NHSL1: variants seen among roughly 807,000 people sequenced by gnomAD.
NHSL1 encodes NHS like 1, also known as NHS-like protein 1.
A neutral mutation model predicts 95.0 loss-of-function variants in NHSL1; 48 were observed. The observed-to-expected ratio is 0.51, with a 90% CI of 0.40 to 0.64. NHSL1 has a LOEUF of 0.64. Among genes scored for constraint, NHSL1 ranks in the 30% least tolerant of loss-of-function variants. The probability of loss-of-function intolerance (pLI) is 0.00; values close to 1 mark genes in which losing one functional copy is unlikely to be tolerated. For missense variants in NHSL1, 1,971 were observed against 2,077.7 expected (o/e 0.95, Z 1.00); for synonymous variants, 783 against 833.9 (o/e 0.94, Z 1.05).
At chr6:138,650,498 G>C in intron 1 of NHSL1, 3 of 730,852 alleles carry the variant, frequency 4.1e-6, no homozygotes, top group Non-Finnish European at 7.3e-6. Flanking sequence ...CATCCACCAG[G>C]TAGGCACTGA....
chr6:138,451,778 A>C (rs1405169670), intron 3 of NHSL1, among the ~76,000 whole-genome samples: 1 of 152,220 alleles, frequency 6.6e-6, no homozygotes, highest in African/African-American at 2.4e-5. Flanking sequence ...AAACAGTGTA[A>C]AATAACAATG....
intron 1 of NHSL1, among the ~76,000 whole-genome samples, chr6:138,551,539 T>C (rs572599256): frequency 6.6e-6 from 1 of 152,282 alleles, no homozygotes; most frequent in Non-Finnish European, 1.5e-5. Context: ...TTTACCCAAG[T>C]TTTAATCATT....
At chr6:138,462,263 T>A (rs1007741461) in intron 3 of NHSL1, among the ~76,000 whole-genome samples, 19 of 152,222 alleles carry the variant, frequency 1.2e-4, no homozygotes, top group Non-Finnish European at 2.5e-4. Flanking sequence ...CAATGGCTCT[T>A]ATGCTGTGTC....
At chr6:138,517,969 T>G (rs952266716) in intron 1 of NHSL1, among the ~76,000 whole-genome samples, 16 of 151,840 alleles carry the variant, frequency 1.1e-4, no homozygotes, top group African/African-American at 3.6e-4. Flanking sequence ...TGCAAGGGAG[T>G]CTGGGAAGCG....
intron 1 of NHSL1, among the ~76,000 whole-genome samples, chr6:138,569,270 TGA>T (rs534927979): frequency 1.0e-4 from 15 of 149,626 alleles, no homozygotes; most frequent in Non-Finnish European, 2.1e-4. Flanking sequence ...TGTGTGTGTG[TGA>T]GAGAGAGAGA....
upstream of NHSL1, among the ~76,000 whole-genome samples, chr6:138,573,805 G>A (rs527679752): frequency 2.3e-4 from 35 of 152,324 alleles, no homozygotes; most frequent in Admixed American, 3.9e-4. Flanking sequence ...AGTCAGTAAT[G>A]AGGACCAGGC....
intron 1 of NHSL1, among the ~76,000 whole-genome samples, chr6:138,528,340 GA>G (rs970113387): frequency 6.0e-5 from 9 of 149,076 alleles, no homozygotes; most frequent in African/African-American, 1.7e-4. Flanking sequence ...ATCTTTAGAA[GA>G]AAAAAAAAAT....
At chr6:138,591,571 C>T (rs1784228546) in intron 1 of NHSL1, among the ~76,000 whole-genome samples, 1 of 152,154 alleles carries the variant, frequency 6.6e-6, no homozygotes. Context: ...TACACGCCCC[C>T]ATGCCTGGCT....
intron 1 of NHSL1, among the ~76,000 whole-genome samples, chr6:138,673,038 GATAGA>G: frequency 1.9e-4 from 1 of 5,218 alleles, no homozygotes; most frequent in African/African-American, 4.0e-4. Flanking sequence ...TAGGTAGATA[GATAGA>G]TAGATAGATA....
Position 138,447,049 on chromosome 6 carries a change from G to A in NHSL1, c.484C>T (p.Gln162Ter), listed in dbSNP as rs1311782173. ...TCAGCCTGGACTGTTTGGGCTTGCT[G>A]TCGCATCTTCTCTTCTGGTGTTGGC... ...PLPTPEEKMR[Q>*]QAQTVQADVV... Residue 162 changes from glutamine to a stop codon, truncating the protein, a stop_gained, in exon 4 of 8, where the codon CAG (glutamine) becomes TAG (stop). Transcript: ENST00000343505. LOFTEE classifies it high-confidence loss of function. 6.4e-7 allele frequency: 1 copy of A among 1,551,766 alleles called. No homozygotes were observed. Among genetic ancestry groups the A allele is most frequent in the Non-Finnish European group, 8.7e-7 (1 of 1,147,014 alleles).
At chr6:138,453,686 A>G (rs551967935) in intron 3 of NHSL1, among the ~76,000 whole-genome samples, 1 of 152,120 alleles carries the variant, frequency 6.6e-6, no homozygotes, top group African/African-American at 2.4e-5. Flanking sequence ...AACTAGGATG[A>G]CCGGCACAAG....
rs117823172 is a variant in NHSL1 at position 138,658,968 on chromosome 6, C to A, written c.96+33508G>T. Among the ~76,000 whole-genome samples the A allele has an allele frequency of 4.4e-3, 673 of 151,944 alleles. 11 individuals are homozygous for A. In the East Asian group the frequency reaches 0.074, roughly 17 times the overall value. On this transcript the variant is annotated intron_variant, in intron 1 of 3. Coordinates refer to the NHSL1 transcript ENST00000491526. Reference sequence around the variant, plus strand: ...ACACTAAGACAGGGCTGGACACCAACCAAACATTGACATATACTGACAAAG... The same window carrying A: ...ACACTAAGACAGGGCTGGACACCAAACAAACATTGACATATACTGACAAAG...
chr6:138,538,789 T>C (rs1243960023), intron 1 of NHSL1, among the ~76,000 whole-genome samples: 1 of 152,244 alleles, frequency 6.6e-6, no homozygotes, highest in Non-Finnish European at 1.5e-5. Flanking sequence ...ATCTGACCTT[T>C]TGAAAACTAT....
At chr6:138,484,530 CA>C (rs1170406618) in intron 2 of NHSL1, among the ~76,000 whole-genome samples, 17 of 152,062 alleles carry the variant, frequency 1.1e-4, no homozygotes, top group African/African-American at 4.1e-4. Context: ...GTCATCGGCT[CA>C]ACAGTCAAAC....
chr6:138,645,774 G>A (rs1236960788), intron 1 of NHSL1, among the ~76,000 whole-genome samples: 1 of 152,088 alleles, frequency 6.6e-6, no homozygotes, highest in Non-Finnish European at 1.5e-5. Context: ...CCAAAGTGCT[G>A]GGATTACAGG....
At chr6:138,558,654 C>T (rs905376420) in intron 1 of NHSL1, among the ~76,000 whole-genome samples, 13 of 152,094 alleles carry the variant, frequency 8.5e-5, no homozygotes, top group South Asian at 2.1e-4. Context: ...CTCCTGACCT[C>T]GTGATCCACC....
intron 1 of NHSL1, among the ~76,000 whole-genome samples, chr6:138,639,574 A>C (rs960515885): frequency 1.7e-4 from 26 of 151,696 alleles, no homozygotes; most frequent in Non-Finnish European, 1.2e-4. Context: ...CCTGGGAGGC[A>C]GAGCTTGCAG....
chr6:138,433,480 C>T lies in NHSL1; in HGVS notation c.865G>A (p.Ala289Thr), dbSNP rs988243918. 1 of 1,552,162 alleles carries T rather than the reference C, an allele frequency of 6.4e-7. No individual in the cohort carries two copies. Among genetic ancestry groups the T allele is most frequent in the Non-Finnish European group, 8.7e-7 (1 of 1,147,100 alleles). The change falls in exon 6 of 8, where the codon GCC becomes ACC. Residue 289 changes from alanine to threonine, a missense_variant. By Grantham distance (58) the Ala-to-Thr change is moderately conservative. This residue lies in a region of NHSL1 where 1,602 missense variants were observed against 1,654.5 expected (regional missense o/e 0.97). Coordinates refer to ENST00000343505, the MANE Select transcript of NHSL1 (RefSeq NM_001144060.2). Reference protein sequence around the residue: ...IRAQKGQGIAAQMGHFSGSSG... With the variant: ...IRAQKGQGIATQMGHFSGSSG... ...GAACCTGAGAAGTGGCCCATCTGGG[C>T]AGCAATGCCTTGCCCCTTCTGTGCC...
upstream of NHSL1, among the ~76,000 whole-genome samples, chr6:138,574,565 G>A (rs1261631942): frequency 2.0e-5 from 3 of 151,070 alleles, no homozygotes; most frequent in Non-Finnish European, 2.9e-5. Context: ...GGTGGCTTAC[G>A]TCTGTAATCC....
Sources: gnomAD v4.1 joint callset for allele counts (sites outside exome capture counted in the v4.1 genomes callset) on GRCh38, gnomAD v4.1.1 for gene constraint, gnomAD v4.1.1 regional missense constraint, MANE v1.5 for transcripts, NCBI Gene and HGNC (gene_info 2026-07-23, HGNC 2026-07-21) for gene names.